The following GALNTL6 variants were observed in gnomAD, a reference collection of about 807,000 sequenced individuals.
GALNTL6 encodes polypeptide N-acetylgalactosaminyltransferase like 6.
A neutral mutation model predicts 73.7 loss-of-function variants in GALNTL6; 46 were observed. The observed-to-expected ratio is 0.62, with a 90% confidence interval of 0.49 to 0.80. The LOEUF (loss-of-function observed/expected upper bound fraction) is 0.80. Ranked by LOEUF, GALNTL6 falls within the 30% of genes least tolerant of loss-of-function variation. The probability of loss-of-function intolerance (pLI) is 0.00; values close to 1 mark genes in which losing one functional copy is unlikely to be tolerated. For synonymous variants in GALNTL6, 259 were observed against 263.7 expected (o/e 0.98, Z 0.17); for missense variants, 604 against 755.0 (o/e 0.80, Z 2.34).
intron 2 of GALNTL6, among the ~76,000 whole-genome samples, chr4:172,206,923 T>C (rs562677704): frequency 4.7e-5 from 7 of 149,820 alleles, no homozygotes; most frequent in Non-Finnish European, 8.9e-5. Flanking sequence ...GTTCAGGCTA[T>C]TCTCGTGCCT....
At chr4:172,168,653 ATGG>A (rs1208744922) in intron 2 of GALNTL6, among the ~76,000 whole-genome samples, 1 of 151,846 alleles carries the variant, frequency 6.6e-6, no homozygotes, top group Non-Finnish European at 1.5e-5. Flanking sequence ...GAAGCTGGTG[ATGG>A]TGATGATGGT....
intron 5 of GALNTL6, among the ~76,000 whole-genome samples, chr4:172,446,630 G>A (rs891835099): frequency 6.6e-6 from 1 of 152,088 alleles, no homozygotes; most frequent in East Asian, 1.9e-4. Context: ...AGAGTGTGTA[G>A]GAAGCTAGAA....
At chr4:172,916,994 A>G (rs1369539207) in intron 8 of GALNTL6, among the ~76,000 whole-genome samples, 1 of 152,216 alleles carries the variant, frequency 6.6e-6, no homozygotes, top group Non-Finnish European at 1.5e-5. Context: ...CTGACTTCAA[A>G]CTATACTACA....
intron 2 of GALNTL6, among the ~76,000 whole-genome samples, chr4:172,064,965 C>G (rs918677064): frequency 1.3e-5 from 2 of 151,928 alleles, no homozygotes; most frequent in African/African-American, 2.4e-5. Context: ...AATCTTCATG[C>G]TGTTATGTTA....
At chr4:172,748,625 AG>A (rs1183505295) in intron 5 of GALNTL6, among the ~76,000 whole-genome samples, 4 of 152,132 alleles carry the variant, frequency 2.6e-5, no homozygotes, top group African/African-American at 7.2e-5. Context: ...AGATACAGTA[AG>A]GGGAAAAGTT....
intron 5 of GALNTL6, among the ~76,000 whole-genome samples, chr4:172,355,409 A>G (rs538860215): frequency 2.1e-4 from 32 of 152,254 alleles, no homozygotes; most frequent in Admixed American, 8.5e-4. Flanking sequence ...GAACATGCAT[A>G]TAAGAATTTT....
At chr4:172,235,388 A>G (rs1737208515) in intron 3 of GALNTL6, among the ~76,000 whole-genome samples, 1 of 151,870 alleles carries the variant, frequency 6.6e-6, no homozygotes, top group South Asian at 2.1e-4. Flanking sequence ...TTGTATTTTT[A>G]GTGGAACAGG....
intron 8 of GALNTL6, among the ~76,000 whole-genome samples, chr4:172,919,275 G>A (rs1328589344): frequency 1.3e-5 from 2 of 152,196 alleles, no homozygotes; most frequent in East Asian, 1.9e-4. Flanking sequence ...GGTGGCCTGA[G>A]GGCCTCAAGT....
chr4:172,141,148 G>A (rs1238131245), intron 2 of GALNTL6, among the ~76,000 whole-genome samples: 4 of 151,978 alleles, frequency 2.6e-5, no homozygotes, highest in African/African-American at 9.7e-5. Flanking sequence ...GCTGAGACAA[G>A]GTATGGATGG....
chr4:172,176,941 A>G (rs1735021741), intron 2 of GALNTL6, among the ~76,000 whole-genome samples: 1 of 152,130 alleles, frequency 6.6e-6, no homozygotes, highest in African/African-American at 2.4e-5. Flanking sequence ...CCTACTGATG[A>G]GTTGATGATA....
chr4:172,446,479 T>C (rs2111411788), intron 5 of GALNTL6, among the ~76,000 whole-genome samples: 1 of 152,274 alleles, frequency 6.6e-6, no homozygotes. Flanking sequence ...AGGAATTAAC[T>C]AGGTGAAATG....
At chr4:172,347,985 C>T (rs1017194422) in intron 4 of GALNTL6, among the ~76,000 whole-genome samples, 5 of 152,024 alleles carry the variant, frequency 3.3e-5, no homozygotes, top group Admixed American at 2.0e-4. Context: ...TGTGGTTGTG[C>T]TCAGTTAACA....
chr4:172,977,099 T>G (rs533071054), intron 10 of GALNTL6, among the ~76,000 whole-genome samples: 1 of 152,334 alleles, frequency 6.6e-6, no homozygotes, highest in African/African-American at 2.4e-5. Flanking sequence ...ATTCTCTCCA[T>G]GTAAGCAGAT....
chr4:172,392,185 C>T (rs1489951895), intron 5 of GALNTL6, among the ~76,000 whole-genome samples: 1 of 152,058 alleles, frequency 6.6e-6, no homozygotes. Flanking sequence ...GGCAGGGTGT[C>T]ACCATATTGG....
chr4:172,425,390 G>A (rs949333639), intron 5 of GALNTL6: 2 of 152,018 alleles, frequency 1.3e-5, no homozygotes, highest in African/African-American at 4.8e-5. Flanking sequence ...GTGCATATGT[G>A]TACTATGTTC....
intron 7 of GALNTL6, among the ~76,000 whole-genome samples, chr4:172,831,383 G>A (rs1400021280): frequency 6.6e-6 from 1 of 152,142 alleles, no homozygotes; most frequent in Non-Finnish European, 1.5e-5. Context: ...TTCACCGAGT[G>A]TACTGCAGAT....
rs370537510 is a variant in GALNTL6, at chr4:172,457,214, GA to G, written c.553+108536del. Among the ~76,000 whole-genome samples, 529 of 141,240 alleles carry G rather than the reference GA, an allele frequency of 3.7e-3. 4 individuals are homozygous for G. The highest frequency in any genetic ancestry group is 0.011 in the African/African-American group (413 of 38,456). The allele number at this position is 141,240 out of a possible 152,430, so 92.7% of individuals were successfully genotyped here. A position where few individuals can be genotyped will look rare whatever the true frequency, so the allele number is the denominator to read the frequency against. The stretch of plus-strand genomic sequence containing the variant: ...GCTCCTGAAGGAAGCACTAAATATG[GA>G]AAAAAAAAAACCCAAAAAAACAGTA... On this transcript the variant is annotated intron_variant, in intron 5 of 12. Coordinates refer to ENST00000506823, the MANE Select transcript of GALNTL6 (RefSeq NM_001034845.3).
intron 5 of GALNTL6, among the ~76,000 whole-genome samples, chr4:172,515,737 G>A (rs1053639096): frequency 3.3e-5 from 5 of 152,118 alleles, no homozygotes; most frequent in African/African-American, 1.2e-4. Context: ...AACAGAGTTG[G>A]GCTCAGGGCA....
chr4:172,713,271 G>C (rs1734837738), intron 5 of GALNTL6, among the ~76,000 whole-genome samples: 1 of 93,158 alleles, frequency 1.1e-5, no homozygotes, highest in African/African-American at 3.6e-5. Flanking sequence ...TGTGTGTTTA[G>C]AGAGAAAGAG....
Sources: gnomAD v4.1 joint callset for allele counts (sites outside exome capture counted in the v4.1 genomes callset) on GRCh38, gnomAD v4.1.1 for gene constraint, MANE v1.5 for transcripts, NCBI Gene and HGNC (gene_info 2026-07-23, HGNC 2026-07-21) for gene names.